The following CSMD1 variants were observed in gnomAD, a reference collection of about 807,000 sequenced individuals.
CSMD1 encodes the protein CUB and sushi domain-containing protein 1.
Under a neutral mutation model 417.5 loss-of-function variants are expected in CSMD1, and 213 were observed. The ratio of observed to expected loss-of-function variants is 0.51; its 90% confidence interval spans 0.46 to 0.57. The LOEUF is 0.57. Among genes scored for constraint, CSMD1 ranks in the 20% least tolerant of loss-of-function variants. CSMD1 has a pLI of 0.00. For synonymous variants in CSMD1, 2,862 were observed against 1,736.8 expected (o/e 1.65, Z -16.11); for missense variants, 6,923 against 4,529.7 (o/e 1.53, Z -15.17).
chr8:4,419,940 A>G lies in CSMD1; in HGVS notation c.415+13T>C, dbSNP rs546347781. 2.2e-5 allele frequency: 33 copies of G among 1,525,942 alleles called. No individual in the cohort carries two copies. The highest frequency in any genetic ancestry group is 2.8e-5 in the Non-Finnish European group (31 of 1,119,388). The allele number at this position is 1,525,942 out of a possible 1,614,324, so 94.5% of individuals were successfully genotyped here. On this transcript the variant is annotated intron_variant, in intron 3 of 69. Coordinates refer to ENST00000635120, the MANE Select transcript of CSMD1 (RefSeq NM_033225.6). ...ACAGTGAATGCATGTGCAAAACACA[A>G]CCAATCTCCTACCTTCATATAATGC...
chr8:4,036,212 A>G (rs1050716695), intron 3 of CSMD1, among the ~76,000 whole-genome samples: 2 of 152,152 alleles, frequency 1.3e-5, no homozygotes, highest in African/African-American at 2.4e-5. Flanking sequence ...TCACCTAAGG[A>G]TGCATTTCTC....
chr8:4,240,441 G>C (rs1802326352), intron 3 of CSMD1, among the ~76,000 whole-genome samples: 1 of 152,174 alleles, frequency 6.6e-6, no homozygotes, highest in Non-Finnish European at 1.5e-5. Context: ...AGATTCACTT[G>C]TGAACTTATT....
At chr8:4,430,452 T>A (rs1446638233) in intron 2 of CSMD1, among the ~76,000 whole-genome samples, 2 of 152,122 alleles carry the variant, frequency 1.3e-5, no homozygotes, top group Non-Finnish European at 2.9e-5. Flanking sequence ...GGAATTTCAT[T>A]TGGTTATGGT....
At chr8:3,189,107 G>T in intron 34 of CSMD1, 96 bp from the exon 35 acceptor site, 2 of 1,177,138 alleles carry the variant, frequency 1.7e-6, no homozygotes, top group Non-Finnish European at 2.3e-6. Flanking sequence ...CACAGTAAGA[G>T]AAAATGTACA....
chr8:3,839,020 TG>T (rs1802918420), intron 5 of CSMD1, among the ~76,000 whole-genome samples: 1 of 128,104 alleles, frequency 7.8e-6, no homozygotes, highest in African/African-American at 2.9e-5. Flanking sequence ...ATTTATATGT[TG>T]ATATTATATA....
chr8:4,221,376 G>T (rs1476667672), intron 3 of CSMD1, among the ~76,000 whole-genome samples: 1 of 96,498 alleles, frequency 1.0e-5, no homozygotes, highest in East Asian at 3.1e-4. Context: ...CAAGGAAAGT[G>T]AGAAAAAAAA....
intron 3 of CSMD1, among the ~76,000 whole-genome samples, chr8:4,097,186 A>T (rs1422765881): frequency 1.3e-5 from 2 of 152,194 alleles, no homozygotes; most frequent in Non-Finnish European, 2.9e-5. Flanking sequence ...CTCAATAAGC[A>T]ATTGCTGATT....
intron 12 of CSMD1, among the ~76,000 whole-genome samples, chr8:3,432,539 C>A (rs1172006348): frequency 1.8e-5 from 2 of 109,662 alleles, no homozygotes; most frequent in African/African-American, 7.1e-5. Context: ...GAGATGGAGT[C>A]TCACTTTGTC....
At chr8:4,469,512 A>C (rs2130032765) in intron 2 of CSMD1, among the ~76,000 whole-genome samples, 1 of 152,258 alleles carries the variant, frequency 6.6e-6, no homozygotes, top group Admixed American at 6.5e-5. Context: ...CTAGAACCAA[A>C]CCTATTCCTT....
intron 3 of CSMD1, among the ~76,000 whole-genome samples, chr8:4,188,516 A>T (rs752632609): frequency 2.0e-5 from 3 of 152,098 alleles, no homozygotes; most frequent in Admixed American, 1.3e-4. Context: ...GATGACTTGC[A>T]AATAGTTTAT....
intron 12 of CSMD1, among the ~76,000 whole-genome samples, chr8:3,463,677 T>C (rs1395491525): frequency 3.3e-5 from 5 of 152,204 alleles, no homozygotes; most frequent in African/African-American, 1.2e-4. Context: ...CGCTGTTCAA[T>C]GTGCATAATT....
rs781616062 is a variant in CSMD1 at position 3,367,152 on chromosome 8, G to C, written c.2995C>G (p.Leu999Val). Residue 999 changes from leucine to valine, a missense_variant, in exon 20 of 70, where the codon CTC becomes GTC. Leu to Val is a conservative substitution (Grantham distance 32). Coordinates refer to ENST00000635120, the MANE Select transcript of CSMD1 (RefSeq NM_033225.6). ...DGSFSEPVAR[L>V]TGSVLPHTIK... is the part of the protein sequence containing the mutation. ...GTATGAGGCAACACCGACCCGGTGA[G>C]CCTGGCAACGGGCTCGGAAAAACTT... 2 of 1,613,576 alleles carry C rather than the reference G, an allele frequency of 1.2e-6. No individual in the cohort carries two copies. Among genetic ancestry groups the C allele is most frequent in the African/African-American group, 1.3e-5 (1 of 74,920 alleles).
At chr8:3,291,838 C>T (rs763966031) in intron 25 of CSMD1, among the ~76,000 whole-genome samples, 1 of 152,042 alleles carries the variant, frequency 6.6e-6, no homozygotes, top group African/African-American at 2.4e-5. Context: ...CAGTTCTGCT[C>T]CGATCTTAGT....
chr8:4,873,224 G>T (rs1024116422), intron 1 of CSMD1, among the ~76,000 whole-genome samples: 4 of 152,036 alleles, frequency 2.6e-5, no homozygotes, highest in African/African-American at 9.7e-5. Flanking sequence ...GGGGTTTGGT[G>T]GTGGGAATTT....
At chr8:3,936,168 AG>A (rs1810476518) in intron 5 of CSMD1, among the ~76,000 whole-genome samples, 1 of 126,324 alleles carries the variant, frequency 7.9e-6, no homozygotes, top group Non-Finnish European at 1.7e-5. Flanking sequence ...ACCAGATGTC[AG>A]TTCATAGGGT....
At chr8:4,165,531 G>A (rs536876419) in intron 3 of CSMD1, among the ~76,000 whole-genome samples, 2 of 152,220 alleles carry the variant, frequency 1.3e-5, no homozygotes, top group South Asian at 4.2e-4. Context: ...AGCCTGCCAA[G>A]TAGGTGGGAC....
chr8:4,057,132 A>C (rs1187354552), intron 3 of CSMD1, among the ~76,000 whole-genome samples: 1 of 152,162 alleles, frequency 6.6e-6, no homozygotes, highest in Admixed American at 6.5e-5. Context: ...CAAGGGTTGA[A>C]CTAGTTTACA....
chr8:4,340,822 T>C (rs1490893194), intron 3 of CSMD1, among the ~76,000 whole-genome samples: 1 of 152,102 alleles, frequency 6.6e-6, no homozygotes, highest in South Asian at 2.1e-4. Context: ...TACCCACTTC[T>C]AGAATCTCAA....
chr8:3,240,757 G>C (rs1007409153), intron 26 of CSMD1, among the ~76,000 whole-genome samples: 1 of 152,088 alleles, frequency 6.6e-6, no homozygotes, highest in East Asian at 1.9e-4. Flanking sequence ...GAGAGTATAT[G>C]GGTTTGGCAC....
Sources: gnomAD v4.1 joint callset for allele counts (sites outside exome capture counted in the v4.1 genomes callset) on GRCh38, gnomAD v4.1.1 for gene constraint, MANE v1.5 for transcripts, NCBI Gene and HGNC (gene_info 2026-07-23, HGNC 2026-07-21) for gene names.